PLXDC1: variants seen among roughly 807,000 people sequenced by gnomAD.
The protein encoded by PLXDC1 is plexin domain containing 1, also known as plexin domain-containing protein 1.
A neutral mutation model predicts 61.3 loss-of-function variants in PLXDC1; 39 were observed. The observed-to-expected ratio is 0.64, with a 90% CI of 0.49 to 0.83. PLXDC1 has a LOEUF of 0.83. Among genes scored for constraint, PLXDC1 ranks in the 40% least tolerant of loss-of-function variants. The probability of loss-of-function intolerance (pLI) is 0.00; values close to 1 mark genes in which losing one functional copy is unlikely to be tolerated. For synonymous variants in PLXDC1, 212 were observed against 254.5 expected (o/e 0.83, Z 1.59); for missense variants, 596 against 666.5 (o/e 0.89, Z 1.17).
chr17:39,080,354 A>T (rs1204330399), intron 9 of PLXDC1: 4 of 151,822 alleles, frequency 2.6e-5, no homozygotes, highest in Non-Finnish European at 2.9e-5. Flanking sequence ...TGGGTTTATG[A>T]CCCCCATTTC....
At chr17:39,087,584 A>G (rs771299840) in intron 8 of PLXDC1, 23 bp downstream of exon 8, 1 of 1,578,622 alleles carries the variant, frequency 6.3e-7, no homozygotes. Flanking sequence ...TCTTTCTGGG[A>G]TGGCGGAATG....
chr17:39,082,999 G>C (rs911520721), intron 9 of PLXDC1, among the ~76,000 whole-genome samples: 2 of 152,204 alleles, frequency 1.3e-5, no homozygotes, highest in Non-Finnish European at 2.9e-5. Context: ...GAAAGATCTT[G>C]AGGTGGTGTT....
chr17:39,146,102 G>C (rs1597663135), intron 1 of PLXDC1, among the ~76,000 whole-genome samples: 1 of 140,450 alleles, frequency 7.1e-6, no homozygotes, highest in African/African-American at 2.8e-5. Context: ...AGGGAATCTC[G>C]ATATGTCACC....
At chr17:39,144,974 T>C (rs1277754099) in intron 1 of PLXDC1, 1 of 152,246 alleles carries the variant, frequency 6.6e-6, no homozygotes, top group Admixed American at 6.5e-5. Context: ...AGTTACTAGT[T>C]TAAAATCCAT....
chr17:39,117,468 T>C (rs557914616), intron 2 of PLXDC1, among the ~76,000 whole-genome samples: 37 of 152,092 alleles, frequency 2.4e-4, no homozygotes, highest in African/African-American at 8.0e-4. Context: ...ACCAGTACTC[T>C]CAAAAGACAA....
chr17:39,084,780 G>A (rs1460782468), intron 8 of PLXDC1, among the ~76,000 whole-genome samples: 4 of 152,206 alleles, frequency 2.6e-5, no homozygotes, highest in South Asian at 2.1e-4. Context: ...GCTGGAGGGC[G>A]CGTGAACCCT....
intron 1 of PLXDC1, among the ~76,000 whole-genome samples, chr17:39,149,201 A>G: frequency 6.6e-6 from 1 of 152,154 alleles, no homozygotes; most frequent in Non-Finnish European, 1.5e-5. Flanking sequence ...CCTGTCCATC[A>G]GGAGCGAGGG....
intron 2 of PLXDC1, among the ~76,000 whole-genome samples, chr17:39,128,127 G>GTATATATATATC (rs1567769612): frequency 1.8e-5 from 1 of 56,196 alleles, no homozygotes; most frequent in Non-Finnish European, 3.6e-5. Context: ...ATATATATAT[G>GTATATATATATC]TGTATATATA....
chr17:39,107,212 C>T (rs1240271804), intron 6 of PLXDC1, among the ~76,000 whole-genome samples, 195 bp downstream of exon 6: 8 of 152,236 alleles, frequency 5.3e-5, no homozygotes, highest in African/African-American at 1.9e-4. Flanking sequence ...GGTGATTCTA[C>T]ATTTGTCCCT....
intron 1 of PLXDC1, among the ~76,000 whole-genome samples, chr17:39,143,489 G>T (rs1912000057): frequency 6.6e-6 from 1 of 152,156 alleles, no homozygotes. Flanking sequence ...TTCAAATTTG[G>T]CATGTCCAGC....
chr17:39,152,398 TCAC>T, upstream of PLXDC1: 1 of 712,010 alleles, frequency 1.4e-6, no homozygotes. Context: ...ACCCCACCTG[TCAC>T]CACCTTCTGA....
intron 12 of PLXDC1, among the ~76,000 whole-genome samples, chr17:39,070,994 C>G (rs1909094279): frequency 6.6e-6 from 1 of 152,074 alleles, no homozygotes. Flanking sequence ...AACAAAACAA[C>G]AAAACTGGCA....
Position 39,073,329 on chromosome 17 carries a change from A to G in PLXDC1, c.1187-844T>C, listed in dbSNP as rs528289561. 2.6e-5 allele frequency: 4 copies of G among 152,342 alleles called. No homozygotes were observed. The South Asian group carries it at 8.3e-4, about 32-fold the overall frequency. 9.4% of individuals were successfully genotyped at this position (152,342 alleles called of 1,614,324 possible). ...GGCGAGAGCCACCTCACCTGGCCTA[A>G]CAAGGTATTTAAACACAACTTTGAA... On this transcript the variant is annotated intron_variant, in intron 11 of 13. Transcript: ENST00000315392.
At chr17:39,140,343 T>A (rs751166904) in intron 1 of PLXDC1, among the ~76,000 whole-genome samples, 21 of 151,686 alleles carry the variant, frequency 1.4e-4, no homozygotes, top group Non-Finnish European at 1.9e-4. Context: ...TCTCGCTCTG[T>A]CACCCAGGCT....
intron 11 of PLXDC1, among the ~76,000 whole-genome samples, chr17:39,075,115 A>T (rs948789156): frequency 6.6e-6 from 1 of 152,058 alleles, no homozygotes; most frequent in Non-Finnish European, 1.5e-5. Context: ...GTGCGCCACC[A>T]CGCCCAGCTA....
Position 39,077,988 on chromosome 17 carries a change from T to C in PLXDC1, c.1111A>G (p.Thr371Ala). ...TCTCCATCATAGGGGCTGAAGGAAGTGTCAGGGGAGGCTGAGTCGTGGTCC... is the reference window on the plus strand; with the variant it reads ...TCTCCATCATAGGGGCTGAAGGAAGCGTCAGGGGAGGCTGAGTCGTGGTCC... ...DEDHDSASPD[T>A]SFSPYDGDLT... is the part of the protein sequence containing the mutation. Residue 371 changes from threonine to alanine, a missense_variant, in exon 11 of 14, where the codon ACT (threonine) becomes GCT (alanine). Coordinates refer to ENST00000315392, the MANE Select transcript of PLXDC1 (RefSeq NM_020405.5). The C allele has an allele frequency of 1.2e-6, 2 of 1,613,662 alleles. No individual in the cohort carries two copies. The highest frequency in any genetic ancestry group is 2.7e-5 in the African/African-American group (2 of 75,004).
intron 2 of PLXDC1, among the ~76,000 whole-genome samples, chr17:39,115,194 C>T (rs188971323): frequency 2.0e-5 from 3 of 152,334 alleles, no homozygotes; most frequent in Admixed American, 2.0e-4. Context: ...TGCAATGGCA[C>T]CTCTTAACTG....
intron 11 of PLXDC1, among the ~76,000 whole-genome samples, 188 bp downstream of exon 11, chr17:39,077,725 T>C (rs940606545): frequency 6.6e-6 from 1 of 152,206 alleles, no homozygotes; most frequent in African/African-American, 2.4e-5. Context: ...AAGTTCTAAA[T>C]CTGGCTCTGC....
chr17:39,107,291 A>G, intron 6 of PLXDC1, 116 bp downstream of exon 6: 2 of 660,226 alleles, frequency 3.0e-6, no homozygotes, highest in South Asian at 1.9e-5. Flanking sequence ...ACATCTTGTT[A>G]ACTGCTGTAT....
Sources: allele counts gnomAD v4.1 joint callset (sites outside exome capture counted in the v4.1 genomes callset), GRCh38; gene constraint gnomAD v4.1.1; transcripts MANE v1.5; gene names NCBI Gene and HGNC (gene_info 2026-07-23, HGNC 2026-07-21).